The following RUBCN variants were observed in gnomAD, a reference collection of about 807,000 sequenced individuals.
RUBCN encodes rubicon autophagy regulator.
Under a neutral mutation model 113.2 loss-of-function variants are expected in RUBCN, and 74 were observed. That is an observed-to-expected ratio of 0.65 (90% CI 0.54 to 0.79). RUBCN has a LOEUF of 0.79. Ranked by LOEUF, RUBCN falls within the 30% of genes least tolerant of loss-of-function variation. RUBCN has a pLI of 0.00. For missense variants in RUBCN, 1,109 were observed against 1,251.7 expected (o/e 0.89, Z 1.72); for synonymous variants, 480 against 490.0 (o/e 0.98, Z 0.27).
intron 2 of RUBCN, among the ~76,000 whole-genome samples, chr3:197,712,598 C>T (rs890879892): frequency 6.6e-6 from 1 of 152,136 alleles, no homozygotes; most frequent in Non-Finnish European, 1.5e-5. Flanking sequence ...GCAAGGAAAC[C>T]GGCACGGATC....
In RUBCN at chr3:197,702,434, G is replaced by A. The variant is rs542756342; in HGVS notation, c.571-570C>T. On this transcript the variant is annotated intron_variant, in intron 5 of 19. Coordinates refer to ENST00000296343, the MANE Select transcript of RUBCN (RefSeq NM_014687.4). ...TCCCAGCACTTTGGGAGGCCAAGGCGGGCAAATCACTTGAGGTCAGGAGAT... is the reference window on the plus strand; with the variant it reads ...TCCCAGCACTTTGGGAGGCCAAGGCAGGCAAATCACTTGAGGTCAGGAGAT... 2.6e-3 allele frequency among the ~76,000 whole-genome samples: 390 copies of A among 152,232 alleles called. 4 individuals are homozygous for A. The Middle Eastern group carries it at 0.034, about 13-fold the overall frequency.
chr3:197,689,751 G>A (rs542179827), intron 11 of RUBCN, among the ~76,000 whole-genome samples: 3 of 152,216 alleles, frequency 2.0e-5, no homozygotes, highest in South Asian at 4.1e-4. Context: ...TGCATACAAT[G>A]TGTAATGGTC....
At chr3:197,736,916 G>A, upstream of RUBCN, 1 of 1,356,722 alleles carries the variant, frequency 7.4e-7, no homozygotes, top group South Asian at 1.8e-5. Flanking sequence ...CCCACTTCCG[G>A]CTCCGGGGAC....
chr3:197,737,869 G>A (rs1236880837), upstream of RUBCN, among the ~76,000 whole-genome samples: 1 of 152,046 alleles, frequency 6.6e-6, no homozygotes, highest in East Asian at 1.9e-4. Context: ...GTGGGCCTAG[G>A]GTTGCCAGAT....
At chr3:197,732,248 T>G (rs1015717642) in intron 1 of RUBCN, among the ~76,000 whole-genome samples, 1 of 152,178 alleles carries the variant, frequency 6.6e-6, no homozygotes, top group Admixed American at 6.5e-5. Context: ...GTACACTGCA[T>G]GGCCAAGGCG....
intron 16 of RUBCN, among the ~76,000 whole-genome samples, chr3:197,679,839 G>C (rs1720987313): frequency 6.9e-6 from 1 of 144,606 alleles, no homozygotes. Flanking sequence ...CTGACAACTG[G>C]CTCCAGACTG....
chr3:197,683,248 A>G lies in RUBCN; in HGVS notation c.1980+59T>C. ...CAGACTAGGGACATGTGACGAAGGA[A>G]AACAAGGTCACAGAGGCTCACGATG... On this transcript the variant is annotated intron_variant, in intron 13 of 19. Coordinates refer to ENST00000296343, the MANE Select transcript of RUBCN (RefSeq NM_014687.4). The surrounding 1 kb of genome is among the most constrained non-coding windows in gnomAD (Gnocchi z 4.6). 2 of 1,608,974 alleles carry G rather than the reference A, an allele frequency of 1.2e-6. No homozygotes were observed. The highest frequency in any genetic ancestry group is 1.7e-6 in the Non-Finnish European group (2 of 1,175,262).
Position 197,677,556 on chromosome 3 carries a change from A to AG in RUBCN, c.2431-16dup, listed in dbSNP as rs749350703. The AG allele has an allele frequency of 9.6e-5, 155 of 1,613,122 alleles. No homozygotes were observed. Among genetic ancestry groups the AG allele is most frequent in the Middle Eastern group, 8.5e-4 (5 of 5,912 alleles). ...ACCCGCAGCAGCTGAAAAGAAAGAG[A>AG]GGGGGGCAGGAGTGGGAGGGAGATG... On this transcript the variant is annotated splice_polypyrimidine_tract_variant and intron_variant, in intron 16 of 19. Transcript: ENST00000296343.
intron 1 of RUBCN, chr3:197,749,143 G>T (rs867409501): frequency 2.6e-6 from 1 of 380,340 alleles, no homozygotes; most frequent in South Asian, 8.7e-5. Context: ...AAGTTATCAT[G>T]CAGGAATTCA....
intron 2 of RUBCN, among the ~76,000 whole-genome samples, chr3:197,713,550 A>G (rs1170906958): frequency 6.6e-6 from 1 of 152,116 alleles, no homozygotes; most frequent in Non-Finnish European, 1.5e-5. Flanking sequence ...TCATGAGAGA[A>G]CATAAGTTTA....
rs1723559264 is a variant in RUBCN at position 197,700,769 on chromosome 3, A to G, written c.1105T>C (p.Leu369=). The G allele has an allele frequency of 6.2e-7, 1 of 1,614,068 alleles. No individual in the cohort carries two copies. Among genetic ancestry groups the G allele is most frequent in the African/African-American group, 1.3e-5 (1 of 74,922 alleles). ...TCCCCACCTCCTTCCTGGTCCCCTA[A>G]GGAAGAGGCAGCAGAATCTGGCTTC... ...SQKPDSAASS[L]GDQEGGGESQ... The change falls in exon 7 of 20, where the codon TTA becomes CTA. Residue 369 remains leucine (L), a synonymous_variant. Coordinates refer to ENST00000296343, the MANE Select transcript of RUBCN (RefSeq NM_014687.4).
intron 1 of RUBCN, among the ~76,000 whole-genome samples, chr3:197,719,908 A>G (rs1362738848): frequency 6.6e-6 from 1 of 152,200 alleles, no homozygotes; most frequent in Admixed American, 6.5e-5. Flanking sequence ...ATCACCTTAA[A>G]TATTTATCAT....
At chr3:197,732,412 C>A (rs1727622207) in intron 1 of RUBCN, among the ~76,000 whole-genome samples, 1 of 152,212 alleles carries the variant, frequency 6.6e-6, no homozygotes, top group African/African-American at 2.4e-5. Context: ...CTCCCGGGTT[C>A]ACGCCATTCT....
chr3:197,696,694 A>G (rs923635731), intron 8 of RUBCN, among the ~76,000 whole-genome samples: 2 of 152,150 alleles, frequency 1.3e-5, no homozygotes, highest in Non-Finnish European at 2.9e-5. Context: ...GAGCCATCCC[A>G]TCTGGACCAG....
intron 2 of RUBCN, among the ~76,000 whole-genome samples, chr3:197,716,475 A>G (rs968871833): frequency 2.6e-5 from 4 of 152,162 alleles, no homozygotes; most frequent in African/African-American, 7.2e-5. Context: ...GAAATAAGTG[A>G]ACATATTTTT....
chr3:197,728,519 G>A (rs1271685114), intron 1 of RUBCN, among the ~76,000 whole-genome samples: 4 of 152,112 alleles, frequency 2.6e-5, no homozygotes, highest in Admixed American at 1.3e-4. Context: ...AAATGAATAG[G>A]AGAAATGCGA....
In RUBCN at chr3:197,718,041, C is replaced by G. The variant is rs551601364; in HGVS notation, c.155G>C (p.Gly52Ala). 1 of 1,614,220 alleles carries G rather than the reference C, an allele frequency of 6.2e-7. No individual in the cohort carries two copies. The highest frequency in any genetic ancestry group is 2.2e-5 in the East Asian group (1 of 44,890). The change falls in exon 2 of 20, where the codon GGT (glycine) becomes GCT (alanine). Residue 52 changes from glycine to alanine, a missense_variant. This residue lies in a region of RUBCN where 736 missense variants were observed against 779.6 expected (regional missense o/e 0.94). Transcript: ENST00000296343. ...TNSPNVWSKYGGLERLCRDMQ... is the reference protein window; with the variant it reads ...TNSPNVWSKYAGLERLCRDMQ... Reference sequence around the variant, plus strand: ...GTCCCTGCAAAGCCGCTCCAAGCCACCATACTTAGACCAGACGTTGGGGCT... The same window carrying G: ...GTCCCTGCAAAGCCGCTCCAAGCCAGCATACTTAGACCAGACGTTGGGGCT...
Position 197,681,114 on chromosome 3 carries a change from T to G in RUBCN, c.2430+15A>C. On this transcript the variant is annotated intron_variant, in intron 16 of 19. Coordinates refer to ENST00000296343, the MANE Select transcript of RUBCN (RefSeq NM_014687.4). The surrounding 1 kb of genome is among the most constrained non-coding windows in gnomAD (Gnocchi z 5.5). ...GAAGGGCAAGACTCTAAGGTGGCCTTTTCCAAGGTCTTACCCGGACTTGAT... is the reference window on the plus strand; with the variant it reads ...GAAGGGCAAGACTCTAAGGTGGCCTGTTCCAAGGTCTTACCCGGACTTGAT... 1 of 1,583,740 alleles carries G rather than the reference T, an allele frequency of 6.3e-7. No homozygotes were observed.
intron 10 of RUBCN, 90 bp from the exon 11 acceptor site, chr3:197,693,906 C>T (rs1441410401): frequency 3.5e-6 from 3 of 856,664 alleles, no homozygotes; most frequent in Non-Finnish European, 6.0e-6. Context: ...TCTGATATGA[C>T]CTCAACAGAG....
Sources: allele counts gnomAD v4.1 joint callset (sites outside exome capture counted in the v4.1 genomes callset), GRCh38; gene constraint gnomAD v4.1.1; regional missense constraint gnomAD v4.1.1; non-coding constraint Gnocchi (gnomAD v3.1); transcripts MANE v1.5; gene names NCBI Gene and HGNC (gene_info 2026-07-23, HGNC 2026-07-21).